The following LDLRAP1 variants were observed in gnomAD, a reference collection of about 807,000 sequenced individuals.
LDLRAP1 encodes the protein low density lipoprotein receptor adapter protein 1.
Under a neutral mutation model 37.8 loss-of-function variants are expected in LDLRAP1, and 30 were observed. That is an observed-to-expected ratio of 0.79 (90% confidence interval 0.59 to 1.08). LDLRAP1 has a LOEUF of 1.08. LDLRAP1 is among the 50% of genes least tolerant of loss of function. The pLI is 0.00. For synonymous variants in LDLRAP1, 156 were observed against 169.8 expected (o/e 0.92, Z 0.63); for missense variants, 375 against 401.6 (o/e 0.93, Z 0.57).
In LDLRAP1 at chr1:25,554,303, C is replaced by A. The variant is rs1252206902; in HGVS notation, c.231+239C>A. On this transcript the variant is annotated intron_variant, in intron 2 of 8. Transcript: ENST00000374338. This position sits in a 1 kb window ranked among gnomAD's most constrained non-coding sequence, Gnocchi z 5.4. Reference sequence around the variant, plus strand: ...TCTTCCAGCCTCCCCACCCCCAGCTCAGGCTCCCTACCAATGCATTGGTGA... The same window carrying A: ...TCTTCCAGCCTCCCCACCCCCAGCTAAGGCTCCCTACCAATGCATTGGTGA... 2.0e-5 allele frequency among the ~76,000 whole-genome samples: 3 copies of A among 152,196 alleles called. No homozygotes were observed. Among genetic ancestry groups the A allele is most frequent in the African/African-American group, 7.2e-5 (3 of 41,452 alleles).
downstream of LDLRAP1, among the ~76,000 whole-genome samples, chr1:25,569,640 C>T (rs888882814): frequency 4.6e-5 from 7 of 152,218 alleles, no homozygotes; most frequent in African/African-American, 1.7e-4. Flanking sequence ...CCAAAGGCAA[C>T]TGGAACTCAA....
At chr1:25,585,898 C>T in the LDLRAP1 span, among the ~76,000 whole-genome samples, 2 of 152,238 alleles carry the variant, frequency 1.3e-5, no homozygotes, top group African/African-American at 4.8e-5. Context: ...CCACACTGCC[C>T]CTCACTGGGC....
chr1:25,559,894 C>T (rs976062547), intron 4 of LDLRAP1, among the ~76,000 whole-genome samples: 23 of 152,194 alleles, frequency 1.5e-4, no homozygotes, highest in African/African-American at 5.1e-4. Flanking sequence ...ACATCCAAGG[C>T]GGTAGAGAAC....
chr1:25,574,039 C>T, the LDLRAP1 span, among the ~76,000 whole-genome samples: 1 of 152,152 alleles, frequency 6.6e-6, no homozygotes, highest in African/African-American at 2.4e-5. Flanking sequence ...GGGGAGTGGC[C>T]TGGCCGGCAG....
chr1:25,546,688 AG>A (rs918613857), intron 1 of LDLRAP1, among the ~76,000 whole-genome samples: 2 of 152,168 alleles, frequency 1.3e-5, no homozygotes, highest in African/African-American at 4.8e-5. Flanking sequence ...AAGAAATAGG[AG>A]GTGCAGGTTC....
At position 25,566,898 on chromosome 1, in the gene LDLRAP1, C is replaced by T. The variant is rs1359700731; in HGVS notation, c.833C>T (p.Ala278Val). ...NPQVLDTGLT[A>V]QDMHYAQCLS... is the part of the protein sequence containing the mutation. ...CAGGTCCTGGACACTGGCCTGACAG[C>T]CCAGGACATGCATTACGCCCAGTGC... The change falls in exon 9 of 9, where the codon GCC (alanine) becomes GTC (valine). Residue 278 changes from alanine to valine, a missense_variant. By Grantham distance (64) the Ala-to-Val change is moderately conservative. Coordinates refer to ENST00000374338, the MANE Select transcript of LDLRAP1 (RefSeq NM_015627.3). 6.2e-7 allele frequency: 1 copy of T among 1,613,210 alleles called. No individual in the cohort carries two copies. Among genetic ancestry groups the T allele is most frequent in the Non-Finnish European group, 8.5e-7 (1 of 1,179,788 alleles).
At chr1:25,560,865 A>G (rs2124684319) in intron 4 of LDLRAP1, among the ~76,000 whole-genome samples, 1 of 152,288 alleles carries the variant, frequency 6.6e-6, no homozygotes, top group Admixed American at 6.5e-5. Context: ...CCCTCCACCT[A>G]ATGCTGGTCC....
chr1:25,582,961 A>G, the LDLRAP1 span, among the ~76,000 whole-genome samples: 1 of 151,664 alleles, frequency 6.6e-6, no homozygotes, highest in Admixed American at 6.6e-5. Context: ...AGTCCCAGCT[A>G]CTTGGGATGC....
chr1:25,557,611 T>G (rs2044238484), intron 4 of LDLRAP1, among the ~76,000 whole-genome samples: 1 of 152,098 alleles, frequency 6.6e-6, no homozygotes, highest in African/African-American at 2.4e-5. Context: ...TTCTGGTGAT[T>G]GGTCCTCGGA....
chr1:25,552,590 C>T (rs1289408864), intron 1 of LDLRAP1, among the ~76,000 whole-genome samples: 2 of 152,196 alleles, frequency 1.3e-5, no homozygotes, highest in African/African-American at 4.8e-5. Context: ...GTGAGGGTTT[C>T]CTCTCTGTAA....
rs1374333444 is a variant in LDLRAP1, at chr1:25,543,667, T to TGCGGCA, written c.-26_-21dup. ...AAGTTTTTCCTGACGGAGTTTTGGCTGCGGCAGCGGCGGCGGCGGCCGGAG... is the reference window on the plus strand; with the variant it reads ...AAGTTTTTCCTGACGGAGTTTTGGCTGCGGCAGCGGCAGCGGCGGCGGCGGCCGGAG... On this transcript the variant is annotated 5_prime_UTR_variant, in exon 1 of 9. Transcript: ENST00000374338. 54 of 1,207,462 alleles carry TGCGGCA rather than the reference T, an allele frequency of 4.5e-5. No individual in the cohort carries two copies. The highest frequency in any genetic ancestry group is 5.2e-5 in the Non-Finnish European group (51 of 971,548). 74.8% of individuals were successfully genotyped at this position (1,207,462 alleles called of 1,614,324 possible).
At chr1:25,576,132 C>T in the LDLRAP1 span, among the ~76,000 whole-genome samples, 3 of 151,146 alleles carry the variant, frequency 2.0e-5, no homozygotes, top group South Asian at 2.1e-4. Context: ...CTCGGGAGGC[C>T]GAAGCAGGAA....
At chr1:25,561,310 C>T (rs1402180329) in intron 4 of LDLRAP1, among the ~76,000 whole-genome samples, 1 of 152,198 alleles carries the variant, frequency 6.6e-6, no homozygotes, top group Non-Finnish European at 1.5e-5. Flanking sequence ...TAAGTTTTGC[C>T]ATAAAGTGCC....
chr1:25,577,130 A>G, the LDLRAP1 span, among the ~76,000 whole-genome samples: 1 of 152,224 alleles, frequency 6.6e-6, no homozygotes, highest in Non-Finnish European at 1.5e-5. Flanking sequence ...ATCGGGAGGA[A>G]GCATGTCCTG....
chr1:25,564,125 C>T (rs1314397490), intron 7 of LDLRAP1: 2 of 373,490 alleles, frequency 5.4e-6, no homozygotes, highest in South Asian at 2.2e-5. Flanking sequence ...ACCCCTCCCC[C>T]TCAGCCGCCT....
At chr1:25,571,552 A>G (rs577177284), downstream of LDLRAP1, among the ~76,000 whole-genome samples, 4 of 152,190 alleles carry the variant, frequency 2.6e-5, no homozygotes, top group Non-Finnish European at 4.4e-5. Context: ...GCTTGCACGT[A>G]TTGTTAGCCC....
the LDLRAP1 span, among the ~76,000 whole-genome samples, chr1:25,589,107 C>A: frequency 2.0e-4 from 31 of 152,098 alleles, no homozygotes; most frequent in Non-Finnish European, 4.4e-4. Flanking sequence ...AGTTCGAGAC[C>A]AGCCTGACCA....
intron 8 of LDLRAP1, among the ~76,000 whole-genome samples, chr1:25,565,781 TG>T (rs1419881251): frequency 2.0e-5 from 3 of 152,300 alleles, no homozygotes; most frequent in African/African-American, 7.2e-5. Flanking sequence ...AGGAGAGGCC[TG>T]GGCAGGTCAG....
chr1:25,565,207 G>A lies in LDLRAP1; in HGVS notation c.782G>A (p.Arg261Lys). 1 of 1,614,064 alleles carries A rather than the reference G, an allele frequency of 6.2e-7. No individual in the cohort carries two copies. The highest frequency in any genetic ancestry group is 8.5e-7 in the Non-Finnish European group (1 of 1,179,976). ...LDDGLDEAFS[R>K]LAQSRTNPQV... The stretch of plus-strand genomic sequence containing the variant: ...GATGGCCTGGATGAAGCGTTTTCGA[G>A]GTAATGCTAGCTTCCTGTGCTGGGT... Residue 261 changes from arginine to lysine, a missense_variant and splice_region_variant, in exon 8 of 9, where the codon AGG becomes AAG. Arg to Lys is a conservative substitution (Grantham distance 26, BLOSUM62 2). Transcript: ENST00000374338.
Sources: allele counts gnomAD v4.1 joint callset (sites outside exome capture counted in the v4.1 genomes callset), GRCh38; gene constraint gnomAD v4.1.1; non-coding constraint Gnocchi (gnomAD v3.1); transcripts MANE v1.5; gene names NCBI Gene and HGNC (gene_info 2026-07-23, HGNC 2026-07-21).